Variants in SCN11A observed in about 807,000 individuals in gnomAD.
The protein encoded by SCN11A is sodium voltage-gated channel alpha subunit 11.
A neutral mutation model predicts 162.2 loss-of-function variants in SCN11A; 122 were observed. The observed-to-expected ratio is 0.75, with a 90% CI of 0.65 to 0.87. The LOEUF is 0.87. Among genes scored for constraint, SCN11A ranks in the 40% least tolerant of loss-of-function variants. The pLI is 0.00. For missense variants in SCN11A, 2,015 were observed against 2,181.6 expected (o/e 0.92, Z 1.52); for synonymous variants, 758 against 751.5 (o/e 1.01, Z -0.14).
At chr3:38,855,212 A>C (rs1011984648) in intron 28 of SCN11A, among the ~76,000 whole-genome samples, 2 of 152,180 alleles carry the variant, frequency 1.3e-5, no homozygotes, top group Non-Finnish European at 2.9e-5. Context: ...CAGCCTCACC[A>C]ACTGTGTGGG....
intron 1 of SCN11A, among the ~76,000 whole-genome samples, chr3:39,049,632 C>T (rs2032275370): frequency 6.6e-6 from 1 of 152,216 alleles, no homozygotes; most frequent in Non-Finnish European, 1.5e-5. Context: ...TGATCCCATG[C>T]ATAGCTCCAA....
At chr3:38,962,339 T>C (rs2066746909) in intron 2 of SCN11A, among the ~76,000 whole-genome samples, 1 of 152,230 alleles carries the variant, frequency 6.6e-6, no homozygotes, top group African/African-American at 2.4e-5. Flanking sequence ...AGTGTTGCTT[T>C]GGCTGTGTGG....
chr3:39,051,940 C>T lies in SCN11A; in HGVS notation c.-483G>A. ...AGCCTGTTTACCTTCAGCCCCGCCA[C>T]TAACCCTTGGCCAAAGGGAAAGGGG... On this transcript the variant is annotated 5_prime_UTR_variant, in exon 1 of 30. In the 5' UTR this introduces an upstream ATG that the reference lacks. Coordinates refer to ENST00000302328, the MANE Select transcript of SCN11A (RefSeq NM_001349253.2). 6.4e-7 allele frequency: 1 copy of T among 1,567,574 alleles called. No homozygotes were observed. The highest frequency in any genetic ancestry group is 8.8e-7 in the Non-Finnish European group (1 of 1,140,218).
intron 14 of SCN11A, among the ~76,000 whole-genome samples, chr3:38,906,438 C>A (rs1477777465): frequency 6.6e-6 from 1 of 152,048 alleles, no homozygotes; most frequent in Non-Finnish European, 1.5e-5. Flanking sequence ...TTGGCACATT[C>A]AAAACTGAAT....
intron 19 of SCN11A, among the ~76,000 whole-genome samples, chr3:38,889,031 A>T (rs2065449542): frequency 6.6e-6 from 1 of 152,222 alleles, no homozygotes; most frequent in Non-Finnish European, 1.5e-5. Flanking sequence ...GAAAAAAAAG[A>T]TATTGAGCCT....
intron 3 of SCN11A, among the ~76,000 whole-genome samples, chr3:38,958,897 T>C (rs2066713740): frequency 6.6e-6 from 1 of 152,250 alleles, no homozygotes; most frequent in African/African-American, 2.4e-5. Context: ...AAAGAAATGT[T>C]CATCTAGAAT....
At chr3:38,962,718 G>GGCGCCTATAA (rs1476671454) in intron 2 of SCN11A, among the ~76,000 whole-genome samples, 1 of 151,868 alleles carries the variant, frequency 6.6e-6, no homozygotes, top group East Asian at 1.9e-4. Flanking sequence ...CATGGTGGTG[G>GGCGCCTATAA]GCGCCTATAA....
intron 1 of SCN11A, among the ~76,000 whole-genome samples, chr3:39,042,269 CA>C (rs201366651): frequency 2.6e-5 from 4 of 151,856 alleles, no homozygotes; most frequent in African/African-American, 7.3e-5. Context: ...ACTCCATCTC[CA>C]AAAAAACCCA....
chr3:38,889,087 C>A (rs147202977), intron 19 of SCN11A, among the ~76,000 whole-genome samples: 214 of 152,162 alleles, frequency 1.4e-3, no homozygotes, highest in Admixed American at 2.8e-3. Context: ...AGGGGAAAAT[C>A]TTTTTAAATG....
chr3:38,862,377 C>G (rs995170390), intron 28 of SCN11A, among the ~76,000 whole-genome samples: 2 of 152,144 alleles, frequency 1.3e-5, no homozygotes, highest in Non-Finnish European at 2.9e-5. Context: ...ATTCAGCAAT[C>G]TCACTACTAG....
At chr3:39,007,438 T>G (rs1243753510) in intron 2 of SCN11A, among the ~76,000 whole-genome samples, 1 of 152,090 alleles carries the variant, frequency 6.6e-6, no homozygotes, top group Admixed American at 6.5e-5. Flanking sequence ...TCTTTCATGT[T>G]AATAAAATGA....
intron 23 of SCN11A, among the ~76,000 whole-genome samples, chr3:38,876,356 T>A (rs1455154510): frequency 6.6e-6 from 1 of 151,878 alleles, no homozygotes; most frequent in African/African-American, 2.4e-5. Flanking sequence ...CAAAGATGAA[T>A]AGATGGAACT....
At chr3:38,908,232 C>T in intron 13 of SCN11A, 110 bp from the exon 14 acceptor site, 2 of 903,202 alleles carry the variant, frequency 2.2e-6, no homozygotes, top group East Asian at 2.5e-5. Flanking sequence ...AGCTCTGTAT[C>T]ATTTAAATTG....
chr3:38,916,826 C>A (rs1019017944), intron 11 of SCN11A, among the ~76,000 whole-genome samples: 10 of 152,198 alleles, frequency 6.6e-5, no homozygotes, highest in African/African-American at 2.2e-4. Context: ...GGGGAGGAAG[C>A]AGTGACTGGA....
intron 9 of SCN11A, among the ~76,000 whole-genome samples, chr3:38,924,799 G>T (rs1213395566): frequency 6.6e-6 from 1 of 152,026 alleles, no homozygotes; most frequent in African/African-American, 2.4e-5. Context: ...GTGAGCAACT[G>T]TACCCGGCCC....
intron 23 of SCN11A, among the ~76,000 whole-genome samples, chr3:38,872,563 A>G (rs1389215453): frequency 2.6e-5 from 4 of 152,216 alleles, no homozygotes; most frequent in Non-Finnish European, 5.9e-5. Flanking sequence ...GGAATTAACC[A>G]TAAAGAATCT....
chr3:38,932,341 T>C (rs2066254320), intron 7 of SCN11A, among the ~76,000 whole-genome samples: 1 of 152,150 alleles, frequency 6.6e-6, no homozygotes, highest in Non-Finnish European at 1.5e-5. Context: ...AACGGGTTCA[T>C]CTCACTAGGG....
chr3:38,987,526 C>A (rs2030300229), intron 2 of SCN11A, among the ~76,000 whole-genome samples: 1 of 152,298 alleles, frequency 6.6e-6, no homozygotes, highest in African/African-American at 2.4e-5. Context: ...AAGTAGTAAT[C>A]TCCCCAAGAC....
intron 28 of SCN11A, among the ~76,000 whole-genome samples, chr3:38,856,824 A>G (rs1340512633): frequency 2.0e-5 from 3 of 152,242 alleles, no homozygotes; most frequent in Non-Finnish European, 4.4e-5. Context: ...TTGCCAGCAC[A>G]CTAAGACAGT....
Sources: gnomAD v4.1 joint callset for allele counts (sites outside exome capture counted in the v4.1 genomes callset) on GRCh38, gnomAD v4.1.1 for gene constraint, MANE v1.5 for transcripts, NCBI Gene and HGNC (gene_info 2026-07-23, HGNC 2026-07-21) for gene names.